PTPRM: variants seen among roughly 807,000 people sequenced by gnomAD.
PTPRM encodes the protein protein tyrosine phosphatase receptor type M.
Under a neutral mutation model 186.7 loss-of-function variants are expected in PTPRM, and 47 were observed. The observed-to-expected ratio is 0.25, with a 90% CI of 0.20 to 0.32. The LOEUF is 0.32. Ranked by LOEUF, PTPRM falls within the 10% of genes least tolerant of loss-of-function variation. The pLI is 1.00. For synonymous variants in PTPRM, 668 were observed against 674.9 expected (o/e 0.99, Z 0.16); for missense variants, 1,494 against 1,865.0 (o/e 0.80, Z 3.66).
intron 1 of PTPRM, among the ~76,000 whole-genome samples, chr18:7,661,500 G>A (rs994529127): frequency 6.6e-6 from 1 of 152,248 alleles, no homozygotes; most frequent in Non-Finnish European, 1.5e-5. Flanking sequence ...AATGTGCCAA[G>A]AAGAGGGAGA....
At chr18:8,134,916 G>A (rs943233906) in intron 13 of PTPRM, among the ~76,000 whole-genome samples, 4 of 152,140 alleles carry the variant, frequency 2.6e-5, no homozygotes, top group Non-Finnish European at 5.9e-5. Flanking sequence ...TCAGAGTATA[G>A]CACCATTCCT....
chr18:8,314,774 T>C lies in PTPRM; in HGVS notation c.2843-7T>C, dbSNP rs1363677322. On this transcript the variant is annotated splice_polypyrimidine_tract_variant and splice_region_variant and intron_variant, in intron 20 of 32. Transcript: ENST00000580170. ...AATCGTTATTTTCTGTCCCTTTTCC[T>C]TTGCAGACGATCATTCCCGAGTGAG... 1 of 1,610,278 alleles carries C rather than the reference T, an allele frequency of 6.2e-7. No individual in the cohort carries two copies. Among genetic ancestry groups the C allele is most frequent in the Admixed American group, 1.7e-5 (1 of 59,776 alleles).
At position 7,848,099 on chromosome 18, in the gene PTPRM, G is replaced by A. The variant is rs557458923; in HGVS notation, c.197-40007G>A. 5.3e-5 allele frequency among the ~76,000 whole-genome samples: 8 copies of A among 152,324 alleles called. No individual in the cohort carries two copies. In the East Asian group the frequency reaches 1.5e-3, roughly 29 times the overall value. On this transcript the variant is annotated intron_variant, in intron 2 of 32. Transcript: ENST00000580170. ...ACATAGACCTGCCCATAGTCACATTGCATTTACCTCCTTTTATCTGGGTTG... is the reference window on the plus strand; with the variant it reads ...ACATAGACCTGCCCATAGTCACATTACATTTACCTCCTTTTATCTGGGTTG...
At chr18:7,889,617 G>A (rs995852954) in intron 3 of PTPRM, among the ~76,000 whole-genome samples, 3 of 152,072 alleles carry the variant, frequency 2.0e-5, no homozygotes, top group Admixed American at 2.0e-4. Flanking sequence ...AGAATTACAG[G>A]CATGAGCCAT....
At chr18:8,063,612 C>T (rs970642328) in intron 7 of PTPRM, among the ~76,000 whole-genome samples, 2 of 152,026 alleles carry the variant, frequency 1.3e-5, no homozygotes, top group Non-Finnish European at 2.9e-5. Context: ...CCTCTTTTTC[C>T]AACCTCTCTA....
chr18:7,658,808 T>G (rs2038914154), intron 1 of PTPRM, among the ~76,000 whole-genome samples: 1 of 152,188 alleles, frequency 6.6e-6, no homozygotes, highest in Non-Finnish European at 1.5e-5. Flanking sequence ...AGAAACCATT[T>G]CTTTTGGCCG....
chr18:8,328,459 C>T (rs1051872204), intron 22 of PTPRM, among the ~76,000 whole-genome samples: 1 of 152,254 alleles, frequency 6.6e-6, no homozygotes, highest in Non-Finnish European at 1.5e-5. Flanking sequence ...GCAGCTTGCA[C>T]TTCAAGTGCA....
intron 13 of PTPRM, 57 bp from the exon 14 acceptor site, chr18:8,143,590 G>A (rs1246989129): frequency 2.0e-6 from 3 of 1,518,192 alleles, no homozygotes; most frequent in Non-Finnish European, 2.7e-6. Flanking sequence ...TTAAACTGTG[G>A]CATCTTTATT....
At chr18:8,240,245 T>A (rs1225190311) in intron 14 of PTPRM, among the ~76,000 whole-genome samples, 2 of 152,094 alleles carry the variant, frequency 1.3e-5, no homozygotes, top group Non-Finnish European at 2.9e-5. Context: ...GCATTTGACC[T>A]GTACAGGCAT....
intron 14 of PTPRM, among the ~76,000 whole-genome samples, chr18:8,201,857 A>G (rs1254124177): frequency 6.6e-6 from 1 of 152,232 alleles, no homozygotes; most frequent in Non-Finnish European, 1.5e-5. Context: ...AATTCAGTCC[A>G]TAGTGCACAG....
At chr18:7,643,772 C>G (rs983674820) in intron 1 of PTPRM, among the ~76,000 whole-genome samples, 7 of 152,068 alleles carry the variant, frequency 4.6e-5, no homozygotes, top group Non-Finnish European at 1.0e-4. Context: ...GAGCTTTTTT[C>G]TTAGCAGCCC....
rs544007868 is a variant in PTPRM at position 8,068,572 on chromosome 18, G to A, written c.1133-1114G>A. Among the ~76,000 whole-genome samples the A allele has an allele frequency of 4.6e-5, 7 of 152,238 alleles. No homozygotes were observed. The East Asian group carries it at 1.2e-3, about 25-fold the overall frequency. ...TTCTAAGCTTGAAACTGTACCTGGA[G>A]CTTGGGCTAAAATAAGATTACTAAA... On this transcript the variant is annotated intron_variant, in intron 7 of 32. Transcript: ENST00000580170.
chr18:7,759,340 T>G (rs921465929), intron 1 of PTPRM, among the ~76,000 whole-genome samples: 1 of 152,226 alleles, frequency 6.6e-6, no homozygotes, highest in Non-Finnish European at 1.5e-5. Context: ...AATATAAAAT[T>G]ACCCACTCAG....
At chr18:7,917,620 G>T (rs1460452356) in intron 4 of PTPRM, among the ~76,000 whole-genome samples, 1 of 152,122 alleles carries the variant, frequency 6.6e-6, no homozygotes, top group African/African-American at 2.4e-5. Flanking sequence ...TATACAATTT[G>T]TAAAAATGGA....
At chr18:8,116,469 G>A (rs1252607966) in intron 13 of PTPRM, among the ~76,000 whole-genome samples, 1 of 152,184 alleles carries the variant, frequency 6.6e-6, no homozygotes, top group Non-Finnish European at 1.5e-5. Flanking sequence ...TAATCTGGGG[G>A]TCAAGGCCTG....
chr18:8,367,443 C>CCGA (rs2095637906), intron 23 of PTPRM, among the ~76,000 whole-genome samples: 1 of 152,266 alleles, frequency 6.6e-6, no homozygotes, highest in Non-Finnish European at 1.5e-5. Flanking sequence ...CAGCACCGTG[C>CCGA]CGAGCAGTTG....
At chr18:8,077,628 A>G (rs2089899421) in intron 9 of PTPRM, among the ~76,000 whole-genome samples, 1 of 152,208 alleles carries the variant, frequency 6.6e-6, no homozygotes, top group African/African-American at 2.4e-5. Context: ...AAACAAGTTC[A>G]TATTATTTTT....
rs150303636 is a variant in PTPRM, at chr18:7,833,743, A to AAACAACAAC, written c.197-54330_197-54322dup. Among the ~76,000 whole-genome samples the AAACAACAAC allele has an allele frequency of 1.0e-3, 150 of 149,742 alleles. No homozygotes were observed. In the South Asian group the frequency reaches 0.011, roughly 11 times the overall value. Reference sequence around the variant, plus strand: ...GAGCGAGACTCTGTCTCAGAAAGAAAAACAACAACAACAACAACAACAACA... The same window carrying AAACAACAAC: ...GAGCGAGACTCTGTCTCAGAAAGAAAAACAACAACAACAACAACAACAACAACAACAACA... On this transcript the variant is annotated intron_variant, in intron 2 of 32. Transcript: ENST00000580170.
intron 1 of PTPRM, among the ~76,000 whole-genome samples, chr18:7,762,262 C>G (rs1422983556): frequency 1.3e-5 from 2 of 151,982 alleles, no homozygotes; most frequent in African/African-American, 4.8e-5. Context: ...CAACAGGTAC[C>G]TGGGAGAGGT....
Sources: gnomAD v4.1 joint callset for allele counts (sites outside exome capture counted in the v4.1 genomes callset) on GRCh38, gnomAD v4.1.1 for gene constraint, MANE v1.5 for transcripts, NCBI Gene and HGNC (gene_info 2026-07-23, HGNC 2026-07-21) for gene names.